The following PTPRM variants were observed in gnomAD, a reference collection of about 807,000 sequenced individuals.
PTPRM encodes receptor-type tyrosine-protein phosphatase mu.
PTPRM carries 47 observed loss-of-function variants against 186.7 expected under a neutral mutation model. The observed-to-expected ratio is 0.25, with a 90% CI of 0.20 to 0.32. The LOEUF is 0.32. PTPRM is among the 10% of genes least tolerant of loss of function. The pLI is 1.00. For missense variants in PTPRM, 1,494 were observed against 1,865.0 expected, an observed-to-expected ratio of 0.80 and a Z score of 3.66; for synonymous variants, 668 against 674.9, an observed-to-expected ratio of 0.99 and a Z score of 0.16.
In PTPRM at chr18:7,875,832, C is replaced by T. The variant is rs948754501; in HGVS notation, c.197-12274C>T. On this transcript the variant is annotated intron_variant, in intron 2 of 32. Transcript: ENST00000580170. ...GCATTCTGAGAAATGTATCGTCAGGCGATTTTTTTTCATTATGCGAACATG... is the reference window on the plus strand; with the variant it reads ...GCATTCTGAGAAATGTATCGTCAGGTGATTTTTTTTCATTATGCGAACATG... 5.3e-5 allele frequency among the ~76,000 whole-genome samples: 8 copies of T among 152,024 alleles called. No homozygotes were observed. In the East Asian group the frequency reaches 5.8e-4, roughly 11 times the overall value.
chr18:7,937,596 A>C (rs939439952), intron 5 of PTPRM, among the ~76,000 whole-genome samples: 2 of 152,232 alleles, frequency 1.3e-5, no homozygotes, highest in Non-Finnish European at 2.9e-5. Flanking sequence ...AAACTCAGGT[A>C]AAGGTGCCAC....
At chr18:7,985,216 T>C in intron 7 of PTPRM, among the ~76,000 whole-genome samples, 1 of 119,282 alleles carries the variant, frequency 8.4e-6, no homozygotes, top group Admixed American at 9.6e-5. Context: ...TAATTGTATA[T>C]ACACATATAA....
chr18:7,995,790 A>C (rs1281680261), intron 7 of PTPRM: 1 of 152,056 alleles, frequency 6.6e-6, no homozygotes, highest in Non-Finnish European at 1.5e-5. Flanking sequence ...AGTGCTTCCC[A>C]TTTTATTGTT....
chr18:8,113,672 T>A lies in PTPRM; in HGVS notation c.2043T>A (p.Asn681Lys). 6.2e-7 allele frequency: 1 copy of A among 1,613,742 alleles called. No individual in the cohort carries two copies. Among genetic ancestry groups the A allele is most frequent in the South Asian group, 1.1e-5 (1 of 91,078 alleles). The change falls in exon 12 of 33, where the codon AAT (asparagine) becomes AAA (lysine). Residue 681 changes from asparagine (N) to lysine (K), a missense_variant. Physicochemically the swap from Asn to Lys is moderately conservative, Grantham distance 94. Coordinates refer to ENST00000580170, the MANE Select transcript of PTPRM (RefSeq NM_001105244.2). Reference sequence around the variant, plus strand: ...CGCAGCCTTTTACAATTGGTGATAATAAGACATATAATGGATACTGGAACA... The same window carrying A: ...CGCAGCCTTTTACAATTGGTGATAAAAAGACATATAATGGATACTGGAACA... ...QAAQPFTIGD[N>K]KTYNGYWNTP...
intron 1 of PTPRM, among the ~76,000 whole-genome samples, chr18:7,752,607 A>T (rs1236132487): frequency 1.3e-5 from 2 of 151,110 alleles, no homozygotes; most frequent in Admixed American, 1.3e-4. Context: ...TAATTTTTTT[A>T]TTTTTTGTAT....
chr18:7,856,926 G>A lies in PTPRM; in HGVS notation c.197-31180G>A, dbSNP rs894721922. ...TGACTTATAAATGACTCACAGATAA[G>A]AGCAAAATGGGAGCATTATCTCCTG... On this transcript the variant is annotated intron_variant, in intron 2 of 32. Coordinates refer to ENST00000580170, the MANE Select transcript of PTPRM (RefSeq NM_001105244.2). 1.2e-4 allele frequency among the ~76,000 whole-genome samples: 18 copies of A among 152,266 alleles called. No individual in the cohort carries two copies. In the East Asian group the frequency reaches 2.9e-3, roughly 25 times the overall value.
chr18:8,182,053 T>C (rs1209009900), intron 14 of PTPRM, among the ~76,000 whole-genome samples: 1 of 152,190 alleles, frequency 6.6e-6, no homozygotes, highest in African/African-American at 2.4e-5. Context: ...ACTATTTTTT[T>C]CCTATGCCAT....
intron 1 of PTPRM, among the ~76,000 whole-genome samples, chr18:7,717,241 C>A (rs2144828213): frequency 6.6e-6 from 1 of 152,152 alleles, no homozygotes; most frequent in Middle Eastern, 3.4e-3. Context: ...CACCCATGGC[C>A]CCACCCCACC....
At chr18:7,629,064 C>T (rs898247789) in intron 1 of PTPRM, among the ~76,000 whole-genome samples, 9 of 152,106 alleles carry the variant, frequency 5.9e-5, no homozygotes, top group Non-Finnish European at 1.2e-4. Context: ...ACTGATATTA[C>T]GAAGTATGCT....
At chr18:7,690,247 G>T (rs2039704174) in intron 1 of PTPRM, among the ~76,000 whole-genome samples, 1 of 152,090 alleles carries the variant, frequency 6.6e-6, no homozygotes, top group Admixed American at 6.5e-5. Context: ...AGTCACAGGT[G>T]GTCACCAGTG....
intron 14 of PTPRM, among the ~76,000 whole-genome samples, chr18:8,214,728 A>G (rs1256173726): frequency 3.3e-5 from 5 of 152,228 alleles, no homozygotes; most frequent in East Asian, 1.9e-4. Flanking sequence ...CAATGGCGCA[A>G]TCTCGGTCCA....
chr18:8,084,798 T>C (rs1191762556), intron 9 of PTPRM, among the ~76,000 whole-genome samples: 1 of 152,180 alleles, frequency 6.6e-6, no homozygotes, highest in Non-Finnish European at 1.5e-5. Context: ...TCTTGAATAG[T>C]TGATGAACTA....
intron 1 of PTPRM, among the ~76,000 whole-genome samples, chr18:7,700,975 C>CAAAAAAA (rs1262649146): frequency 3.3e-5 from 2 of 60,996 alleles, no homozygotes; most frequent in Admixed American, 2.1e-4. Context: ...GAGCCTATCT[C>CAAAAAAA]AAAAAAAAAA....
chr18:7,720,524 T>C (rs2040426613), intron 1 of PTPRM, among the ~76,000 whole-genome samples: 1 of 152,182 alleles, frequency 6.6e-6, no homozygotes, highest in African/African-American at 2.4e-5. Context: ...ATCTGAACTA[T>C]TTTTTAAGGT....
intron 13 of PTPRM, among the ~76,000 whole-genome samples, chr18:8,137,780 T>C (rs1461948924): frequency 6.6e-6 from 1 of 152,098 alleles, no homozygotes; most frequent in African/African-American, 2.4e-5. Flanking sequence ...CCACCCAGCG[T>C]TGAAGCCTTC....
chr18:8,387,463 G>T (rs8091394), intron 31 of PTPRM, among the ~76,000 whole-genome samples: 15,195 of 149,672 alleles, frequency 0.1, 1,710 homozygotes, highest in African/African-American at 0.28. Context: ...AGCACTGACC[G>T]TTTCATTAGG....
At chr18:7,983,787 C>G (rs2082687107) in intron 7 of PTPRM, among the ~76,000 whole-genome samples, 1 of 152,142 alleles carries the variant, frequency 6.6e-6, no homozygotes, top group Non-Finnish European at 1.5e-5. Context: ...GTTATCTCAG[C>G]ACTTATTTAA....
intron 14 of PTPRM, among the ~76,000 whole-genome samples, chr18:8,169,540 CAT>C (rs1315303254): frequency 6.6e-6 from 1 of 151,978 alleles, no homozygotes; most frequent in Non-Finnish European, 1.5e-5. Flanking sequence ...GTGATTTAGA[CAT>C]AGAAACAACA....
In PTPRM at chr18:7,585,632, C is replaced by G. The variant is rs7241725; in HGVS notation, c.73+17741C>G. On this transcript the variant is annotated intron_variant, in intron 1 of 32. Coordinates refer to ENST00000580170, the MANE Select transcript of PTPRM (RefSeq NM_001105244.2). ...GCTTTCTCTCTTTTTTTTTCCTCTT[C>G]TTCTTTTCCCTCATCTATCTCCCTC... Among the ~76,000 whole-genome samples the G allele has an allele frequency of 2.5e-3, 378 of 151,946 alleles. 1 individual carries two copies. Among genetic ancestry groups the G allele is most frequent in the African/African-American group, 8.3e-3 (346 of 41,490 alleles).
Sources: gnomAD v4.1 joint callset for allele counts (sites outside exome capture counted in the v4.1 genomes callset) on GRCh38, gnomAD v4.1.1 for gene constraint, MANE v1.5 for transcripts, NCBI Gene and HGNC (gene_info 2026-07-23, HGNC 2026-07-21) for gene names.